CDH24: variants seen among roughly 807,000 people sequenced by gnomAD.
The protein encoded by CDH24 is cadherin-24.
CDH24 carries 61 observed loss-of-function variants against 71.2 expected under a neutral mutation model. The observed-to-expected ratio is 0.86, with a 90% CI of 0.70 to 1.06. The LOEUF is 1.06. Among genes scored for constraint, CDH24 ranks in the 50% least tolerant of loss-of-function variants. CDH24 has a pLI of 0.00. For missense variants in CDH24, 961 were observed against 1,083.7 expected, an observed-to-expected ratio of 0.89 and a Z score of 1.59; for synonymous variants, 440 against 470.2, an observed-to-expected ratio of 0.94 and a Z score of 0.83.
Position 23,048,335 on chromosome 14 carries a change from G to T in CDH24, c.1991C>A (p.Ala664Asp). 1 of 1,611,272 alleles carries T rather than the reference G, an allele frequency of 6.2e-7. No homozygotes were observed. Among genetic ancestry groups the T allele is most frequent in the South Asian group, 1.1e-5 (1 of 91,064 alleles). The change falls in exon 12 of 13, where the codon GCC becomes GAC. Residue 664 changes from alanine (A) to aspartate (D), a missense_variant. Ala to Asp is a moderately radical substitution (Grantham distance 126). Transcript: ENST00000487137. ...EEDTEAFDITALQNPDGAAPP... is the reference protein window; with the variant it reads ...EEDTEAFDITDLQNPDGAAPP... Reference sequence around the variant, plus strand: ...GGCCGCCCCGTCCGGGTTCTGCAAGGCCGTGATGTCGAAGGCCTCGGTGTC... The same window carrying T: ...GGCCGCCCCGTCCGGGTTCTGCAAGTCCGTGATGTCGAAGGCCTCGGTGTC...
intron 7 of CDH24, 43 bp from the exon 8 acceptor site, chr14:23,052,652 C>T (rs1288731372): frequency 6.2e-7 from 1 of 1,601,132 alleles, no homozygotes. Flanking sequence ...TGGGGCGGGA[C>T]CACAGCTTGT....
Position 23,054,591 on chromosome 14 carries a change from G to A in CDH24, c.699C>T (p.Gly233=), listed in dbSNP as rs773291024. 11 of 1,613,966 alleles carry A rather than the reference G, an allele frequency of 6.8e-6. No homozygotes were observed. In the African/African-American group the frequency reaches 1.1e-4, roughly 16 times the overall value. ...FLVVIQAKDM[G]GHMGGLSGST... ...TGCCTGACAGCCCCCCCATGTGGCC[G>A]CCCATGTCCTTGGCCTGGATCACCA... The change falls in exon 5 of 13, where the codon GGC becomes GGT. Residue 233 remains glycine (G), a synonymous_variant. Coordinates refer to ENST00000487137, the MANE Select transcript of CDH24 (RefSeq NM_144985.4). This position sits in a 1 kb window ranked among gnomAD's most constrained non-coding sequence, Gnocchi z 5.2.
At chr14:23,056,940 C>A (rs2047138418) in intron 1 of CDH24, among the ~76,000 whole-genome samples, 1 of 151,608 alleles carries the variant, frequency 6.6e-6, no homozygotes, top group African/African-American at 2.4e-5. Flanking sequence ...AGGGGGAAAC[C>A]GGAGGAAGGC....
intron 10 of CDH24, 119 bp from the exon 11 acceptor site, chr14:23,049,394 A>G (rs561929103): frequency 1.7e-5 from 16 of 949,462 alleles, no homozygotes; most frequent in South Asian, 6.8e-5. Context: ...CCATAGGTCC[A>G]GCCCATAGAG....
Position 23,055,595 on chromosome 14 carries a change from C to T in CDH24, c.139G>A (p.Val47Ile). The T allele has an allele frequency of 1.2e-6, 2 of 1,614,002 alleles. No individual in the cohort carries two copies. Among genetic ancestry groups the T allele is most frequent in the Non-Finnish European group, 8.5e-7 (1 of 1,180,008 alleles). Residue 47 changes from valine (V) to isoleucine (I), a missense_variant, in exon 2 of 13, where the codon GTC becomes ATC. Val to Ile is a conservative substitution (Grantham distance 29). This residue lies in a region of CDH24 where 671 missense variants were observed against 810.9 expected (regional missense o/e 0.83). Coordinates refer to ENST00000487137, the MANE Select transcript of CDH24 (RefSeq NM_144985.4). This position sits in a 1 kb window ranked among gnomAD's most constrained non-coding sequence, Gnocchi z 4.1. ...PALLRTRRSW[V>I]WNQFFVIEEY... ...TCAATGACAAAGAACTGGTTCCAGA[C>T]CCAGCTCCTTCGAGTCCGCAGCAGA...
chr14:23,053,664 C>T lies in CDH24; in HGVS notation c.1058G>A (p.Gly353Glu). The change falls in exon 7 of 13, where the codon GGG becomes GAG. Residue 353 changes from glycine (G) to glutamate (E), a missense_variant. Physicochemically the swap from Gly to Glu is moderately conservative, Grantham distance 98. This residue lies in a region of CDH24 where 671 missense variants were observed against 810.9 expected (regional missense o/e 0.83). Transcript: ENST00000487137. ...TLIDPAYLRR[G>E]PFKDVASVRV... ...CACAGAGGCCACATCCTTGAAGGGC[C>T]CTCGCCGCAGATAGGCTGGGTCAAT... is the stretch of plus-strand genomic sequence containing the variant. 1 of 1,613,980 alleles carries T rather than the reference C, an allele frequency of 6.2e-7. No individual in the cohort carries two copies. Among genetic ancestry groups the T allele is most frequent in the Non-Finnish European group, 8.5e-7 (1 of 1,179,980 alleles).
At chr14:23,052,180 G>A (rs1322580335) in intron 8 of CDH24, 1 of 786,116 alleles carries the variant, frequency 1.3e-6, no homozygotes, top group South Asian at 1.5e-5. Flanking sequence ...GTCAGGTAAG[G>A]GAATGACTTG....
rs1442241068 is a variant in CDH24 at position 23,048,223 on chromosome 14, G to T, written c.2103C>A (p.Asp701Glu). 2.3e-6 allele frequency: 3 copies of T among 1,307,800 alleles called. No homozygotes were observed. The highest frequency in any genetic ancestry group is 2.9e-6 in the Non-Finnish European group (3 of 1,028,234). 81.0% of individuals were successfully genotyped at this position (1,307,800 alleles called of 1,614,324 possible). The change falls in exon 12 of 13, where the codon GAC becomes GAA. Residue 701 changes from aspartate (D) to glutamate (E), a missense_variant. Around this residue, in one of 2 missense-constraint regions of CDH24, gnomAD observed 290 missense variants for 272.8 expected, o/e 1.06. Coordinates refer to ENST00000487137, the MANE Select transcript of CDH24 (RefSeq NM_144985.4). ...SRQPRPPGPA[D>E]VAQLLALRLR... ...GCCGCAGCGCCAGGAGCTGCGCCAC[G>T]TCGGCGGGGCCGGGGGGTCTGGGCT...
At position 23,054,930 on chromosome 14, in the gene CDH24, G is replaced by GA. The variant is rs560679160; in HGVS notation, c.497-65_497-64insT. On this transcript the variant is annotated intron_variant, in intron 3 of 12. Transcript: ENST00000487137. This position sits in a 1 kb window ranked among gnomAD's most constrained non-coding sequence, Gnocchi z 5.2. ...GAAGGATGGGGAAGAACAACCGATG[G>GA]GGGGGGATGCAGATACGAGGGAGGC... 5.3e-5 allele frequency: 85 copies of GA among 1,604,032 alleles called. No homozygotes were observed. Among genetic ancestry groups the GA allele is most frequent in the African/African-American group, 3.6e-4 (27 of 74,762 alleles).
intron 6 of CDH24, 127 bp from the exon 7 acceptor site, chr14:23,053,876 G>T: frequency 1.0e-6 from 1 of 998,760 alleles, no homozygotes; most frequent in Non-Finnish European, 1.4e-6. Context: ...AGGAGAGGTG[G>T]CACTGGAGGG....
At position 23,054,966 on chromosome 14, in the gene CDH24, G is replaced by T. The variant is rs1239645756; in HGVS notation, c.496+93C>A. 6.3e-7 allele frequency: 1 copy of T among 1,592,298 alleles called. No homozygotes were observed. Among genetic ancestry groups the T allele is most frequent in the Non-Finnish European group, 8.6e-7 (1 of 1,166,554 alleles). On this transcript the variant is annotated intron_variant, in intron 3 of 12. Transcript: ENST00000487137. The surrounding 1 kb of genome is among the most constrained non-coding windows in gnomAD (Gnocchi z 5.2). ...AGATACGAGGGAGGCTGAATTGAAGGGGGCAGGTTCTGGGGCAGACAACAA... is the reference window on the plus strand; with the variant it reads ...AGATACGAGGGAGGCTGAATTGAAGTGGGCAGGTTCTGGGGCAGACAACAA...
At position 23,051,971 on chromosome 14, in the gene CDH24, T is replaced by A; in HGVS notation, c.1363+502A>T. 1 of 1,551,926 alleles carries A rather than the reference T, an allele frequency of 6.4e-7. No individual in the cohort carries two copies. The highest frequency in any genetic ancestry group is 8.8e-7 in the Non-Finnish European group (1 of 1,140,616). ...TCCTTATGGTGTCCACTCCCCTACC[T>A]TGGGGGATTCCCACAGCGCTTCCAA... is the stretch of plus-strand genomic sequence containing the variant. On this transcript the variant is annotated intron_variant, in intron 8 of 12. Coordinates refer to ENST00000487137, the MANE Select transcript of CDH24 (RefSeq NM_144985.4). This position sits in a 1 kb window ranked among gnomAD's most constrained non-coding sequence, Gnocchi z 4.4.
At position 23,052,581 on chromosome 14, in the gene CDH24, C is replaced by G. The variant is rs756058912; in HGVS notation, c.1255G>C (p.Glu419Gln). 1 of 1,614,024 alleles carries G rather than the reference C, an allele frequency of 6.2e-7. No homozygotes were observed. Among genetic ancestry groups the G allele is most frequent in the Non-Finnish European group, 8.5e-7 (1 of 1,180,012 alleles). The change falls in exon 8 of 13, where the codon GAG becomes CAG. Residue 419 changes from glutamate to glutamine, a missense_variant. By Grantham distance (29) the Glu-to-Gln change is conservative (BLOSUM62 2). Coordinates refer to ENST00000487137, the MANE Select transcript of CDH24 (RefSeq NM_144985.4). The stretch of plus-strand genomic sequence containing the variant: ...TCGGGCTGGATAGAGAAGCAACGCT[C>G]CGGATCTGAGTGGGGGAGGATGGAG... ...RYSILPHSDP[E>Q]RCFSIQPEEG...
Position 23,048,038 on chromosome 14 carries a change from C to T in CDH24, c.2288G>A (p.Gly763Asp). The T allele has an allele frequency of 6.9e-7, 1 of 1,448,548 alleles. No homozygotes were observed. The highest frequency in any genetic ancestry group is 1.5e-5 in the African/African-American group (1 of 67,212). 89.7% of individuals were successfully genotyped at this position (1,448,548 alleles called of 1,614,324 possible). Reference protein sequence around the residue: ...PGPAEPLDDWGPLFRTLAELY... With the variant: ...PGPAEPLDDWDPLFRTLAELY... ...CTCGGCCAGGGTGCGGAAGAGCGGA[C>T]CCCAGTCGTCCAGCGGCTCCGCGGG... Residue 763 changes from glycine (G) to aspartate (D), a missense_variant, in exon 12 of 13, where the codon GGT becomes GAT. By Grantham distance (94) the Gly-to-Asp change is moderately conservative. Coordinates refer to ENST00000487137, the MANE Select transcript of CDH24 (RefSeq NM_144985.4).
rs769146602 is a variant in CDH24 at position 23,054,664 on chromosome 14, C to T, written c.626G>A (p.Arg209His). The T allele has an allele frequency of 1.1e-5, 18 of 1,613,868 alleles. No individual in the cohort carries two copies. Among genetic ancestry groups the T allele is most frequent in the East Asian group, 2.2e-5 (1 of 44,886 alleles). ...FSVDPQTGVV[R>H]TAIPNMDRET... Reference sequence around the variant, plus strand: ...CCGGTCCATGTTGGGGATGGCTGTACGCACCACTCCTAGGGAGAGATGCTG... The same window carrying T: ...CCGGTCCATGTTGGGGATGGCTGTATGCACCACTCCTAGGGAGAGATGCTG... The change falls in exon 5 of 13, where the codon CGT (arginine) becomes CAT (histidine). Residue 209 changes from arginine to histidine, a missense_variant. Transcript: ENST00000487137. The surrounding 1 kb of genome is among the most constrained non-coding windows in gnomAD (Gnocchi z 5.2).
intron 8 of CDH24, among the ~76,000 whole-genome samples, chr14:23,050,530 C>T (rs1484041480): frequency 1.3e-5 from 2 of 149,482 alleles, no homozygotes; most frequent in African/African-American, 5.0e-5. Flanking sequence ...CACACACACA[C>T]ACATCCCATC....
chr14:23,054,876 A>G lies in CDH24; in HGVS notation c.497-10T>C. On this transcript the variant is annotated splice_polypyrimidine_tract_variant and intron_variant, in intron 3 of 12. Transcript: ENST00000487137. This position sits in a 1 kb window ranked among gnomAD's most constrained non-coding sequence, Gnocchi z 5.2. The stretch of plus-strand genomic sequence containing the variant: ...TGGATCACTGATGTCCCTGTGGGGG[A>G]TGCCAGCACGCCATTCAGCAGCAGC... The G allele has an allele frequency of 6.2e-7, 1 of 1,612,394 alleles. No individual in the cohort carries two copies. The highest frequency in any genetic ancestry group is 8.5e-7 in the Non-Finnish European group (1 of 1,179,912).
chr14:23,050,943 C>T (rs1008868607), intron 8 of CDH24, among the ~76,000 whole-genome samples: 1 of 152,102 alleles, frequency 6.6e-6, no homozygotes, highest in Admixed American at 6.5e-5. Flanking sequence ...TACTTCTTCC[C>T]TGCGGTAAGG....
chr14:23,050,955 C>A (rs1652243404), intron 8 of CDH24, among the ~76,000 whole-genome samples: 1 of 151,996 alleles, frequency 6.6e-6, no homozygotes, highest in Admixed American at 6.6e-5. Context: ...GCGGTAAGGG[C>A]CCAGCACTGC....
Sources: gnomAD v4.1 joint callset for allele counts (sites outside exome capture counted in the v4.1 genomes callset) on GRCh38, gnomAD v4.1.1 for gene constraint, gnomAD v4.1.1 regional missense constraint, Gnocchi (gnomAD v3.1) non-coding constraint, MANE v1.5 for transcripts, NCBI Gene and HGNC (gene_info 2026-07-23, HGNC 2026-07-21) for gene names.